The following RASSF3 variants were observed in gnomAD, a reference collection of about 807,000 sequenced individuals.
RASSF3 encodes the protein Ras association domain family member 3.
Under a neutral mutation model 19.9 loss-of-function variants are expected in RASSF3, and 19 were observed. The ratio of observed to expected loss-of-function variants is 0.96; its 90% CI spans 0.67 to 1.40. The LOEUF (loss-of-function observed/expected upper bound fraction) is 1.40. RASSF3 is among the 40% of genes most tolerant of loss of function. The probability of loss-of-function intolerance (pLI) is 0.00; values close to 1 mark genes in which losing one functional copy is unlikely to be tolerated. For missense variants in RASSF3, 306 were observed against 289.8 expected, an observed-to-expected ratio of 1.06 and a Z score of -0.41; for synonymous variants, 110 against 104.2, an observed-to-expected ratio of 1.06 and a Z score of -0.34.
intron 1 of RASSF3, among the ~76,000 whole-genome samples, chr12:64,661,256 C>T (rs1346671158): frequency 1.3e-5 from 2 of 152,180 alleles, no homozygotes; most frequent in African/African-American, 4.8e-5. Flanking sequence ...CCTGTAATCC[C>T]AGCACTTTGG....
intron 2 of RASSF3, among the ~76,000 whole-genome samples, chr12:64,573,697 C>G (rs897680795): frequency 4.6e-5 from 7 of 152,184 alleles, no homozygotes; most frequent in African/African-American, 1.7e-4. Context: ...AAGCAGCCTT[C>G]ACAACATGGC....
chr12:64,527,355 G>A (rs1225514566), intron 1 of RASSF3, among the ~76,000 whole-genome samples: 1 of 152,116 alleles, frequency 6.6e-6, no homozygotes, highest in Admixed American at 6.5e-5. Flanking sequence ...AGAAGATAAC[G>A]ACAGTACCTA....
At chr12:64,678,964 G>A (rs933752476) in intron 1 of RASSF3, among the ~76,000 whole-genome samples, 3 of 152,164 alleles carry the variant, frequency 2.0e-5, no homozygotes, top group African/African-American at 7.2e-5. Context: ...TGTGATTTTA[G>A]ACCTAAGTAT....
At chr12:64,674,969 A>T (rs1872830169) in intron 1 of RASSF3, among the ~76,000 whole-genome samples, 1 of 147,782 alleles carries the variant, frequency 6.8e-6, no homozygotes, top group South Asian at 2.2e-4. Flanking sequence ...CTAGTATAGT[A>T]CTCCAGCCTT....
chr12:64,685,774 T>C (rs577303), intron 2 of RASSF3, among the ~76,000 whole-genome samples: 117,091 of 152,108 alleles, frequency 0.77, 45,227 homozygotes, highest in South Asian at 0.84. Flanking sequence ...GGCCTGGGGA[T>C]AGGGAAACGA....
rs750393823 is a variant in RASSF3 at position 64,610,626 on chromosome 12, C to G, written c.-7C>G. On this transcript the variant is annotated 5_prime_UTR_variant, in exon 1 of 5. Transcript: ENST00000542104. ...GGAGGCCGCCCGCGCGCGACGGGAC[C>G]GGCAGCATGAGCAGCGGCTACAGCA... is the stretch of plus-strand genomic sequence containing the variant. 2 of 1,528,890 alleles carry G rather than the reference C, an allele frequency of 1.3e-6. No individual in the cohort carries two copies. The highest frequency in any genetic ancestry group is 1.8e-6 in the Non-Finnish European group (2 of 1,137,714). The allele number at this position is 1,528,890 out of a possible 1,614,324, so 94.7% of individuals were successfully genotyped here. A position where few individuals can be genotyped will look rare whatever the true frequency, so the allele number is the denominator to read the frequency against.
rs186527244 is a variant in RASSF3, at chr12:64,571,168, G to A, written c.294+29463G>A. On this transcript the variant is annotated intron_variant, in intron 2 of 5. Coordinates refer to the RASSF3 transcript ENST00000637125. ...GGAGGTTACAGAGAGCCGAGATCGC[G>A]CCATTACACTCCAACCTGGGCAACA... 2.0e-3 allele frequency among the ~76,000 whole-genome samples: 303 copies of A among 152,086 alleles called. 1 individual carries two copies. Among genetic ancestry groups the A allele is most frequent in the Non-Finnish European group, 3.4e-3 (230 of 67,990 alleles).
chr12:64,640,361 C>T lies in RASSF3; in HGVS notation c.111+29618C>T, dbSNP rs147107690. Among the ~76,000 whole-genome samples, 499 of 152,194 alleles carry T rather than the reference C, an allele frequency of 3.3e-3. 7 individuals carry two copies. The highest frequency in any genetic ancestry group is 3.2e-3 in the Non-Finnish European group (216 of 68,014). On this transcript the variant is annotated intron_variant, in intron 1 of 4. Transcript: ENST00000542104. ...CTCTCAACACAAAAGTGTACAGTAC[C>T]GTATCATTAACTATAGGCATTATGT...
chr12:64,682,310 G>A (rs1873157932), intron 1 of RASSF3, among the ~76,000 whole-genome samples: 1 of 152,124 alleles, frequency 6.6e-6, no homozygotes, highest in African/African-American at 2.4e-5. Flanking sequence ...GGTGGCTCAC[G>A]CCTGTAATCC....
intron 1 of RASSF3, among the ~76,000 whole-genome samples, chr12:64,684,380 GGCCCT>G (rs1873256824): frequency 6.6e-6 from 1 of 151,188 alleles, no homozygotes; most frequent in Non-Finnish European, 1.5e-5. Flanking sequence ...CACCGTGCCC[GGCCCT>G]TGTGTGGAAT....
At chr12:64,650,788 C>G (rs1318487689) in intron 1 of RASSF3, among the ~76,000 whole-genome samples, 1 of 152,142 alleles carries the variant, frequency 6.6e-6, no homozygotes, top group Non-Finnish European at 1.5e-5. Context: ...AATGGTTTCA[C>G]TAAAGGGAAT....
At chr12:64,652,948 G>A (rs1169104872) in intron 1 of RASSF3, among the ~76,000 whole-genome samples, 1 of 152,204 alleles carries the variant, frequency 6.6e-6, no homozygotes, top group African/African-American at 2.4e-5. Context: ...TGTTGGCAGG[G>A]TGGCTTCCTT....
rs1868936818 is a variant in RASSF3, at chr12:64,541,692, A to ATTGATTGATATTC, written c.179_180insTTGATTGATATTC (p.Lys60AsnfsTer2). ...ACTTCTGAAGTAAGATATTCAATCAAAAAGAACAGTCAGGTAGGCACTATT... is the reference window on the plus strand; with the variant it reads ...ACTTCTGAAGTAAGATATTCAATCAATTGATTGATATTCAAAGAACAGTCAGGTAGGCACTATT... On this transcript the variant is annotated stop_gained and frameshift_variant, in exon 2 of 2. Coordinates refer to the RASSF3 transcript ENST00000636333. LOFTEE classifies it high-confidence loss of function. 7.5e-6 allele frequency: 3 copies of ATTGATTGATATTC among 398,644 alleles called. No individual in the cohort carries two copies. The highest frequency in any genetic ancestry group is 6.2e-5 in the African/African-American group (3 of 48,756). The allele number at this position is 398,644 out of a possible 1,614,324, so 24.7% of individuals were successfully genotyped here. A position where few individuals can be genotyped will look rare whatever the true frequency, so the allele number is the denominator to read the frequency against.
chr12:64,620,803 G>T (rs1870728972), intron 1 of RASSF3, among the ~76,000 whole-genome samples: 1 of 151,852 alleles, frequency 6.6e-6, no homozygotes, highest in African/African-American at 2.4e-5. Flanking sequence ...GTTATATATT[G>T]CCAATTTATG....
At chr12:64,544,986 G>A (rs544087672), downstream of RASSF3, among the ~76,000 whole-genome samples, 13 of 152,334 alleles carry the variant, frequency 8.5e-5, no homozygotes, top group African/African-American at 3.1e-4. Flanking sequence ...CAGGGACACA[G>A]AAAGCTAATG....
At chr12:64,627,664 A>G (rs182618040) in intron 1 of RASSF3, among the ~76,000 whole-genome samples, 3 of 152,324 alleles carry the variant, frequency 2.0e-5, no homozygotes, top group East Asian at 3.9e-4. Flanking sequence ...AGGCACTAAA[A>G]TGAGTTTCTT....
At chr12:64,654,709 AC>A (rs56069891) in intron 1 of RASSF3, 24,565 of 148,078 alleles carry the variant, frequency 0.17, 2,718 homozygotes, top group South Asian at 0.3. Flanking sequence ...TACTAAAAAT[AC>A]AAAAATTAGC....
chr12:64,549,489 A>G (rs1226248406), intron 2 of RASSF3, among the ~76,000 whole-genome samples: 2 of 152,180 alleles, frequency 1.3e-5, no homozygotes, highest in Admixed American at 6.5e-5. Flanking sequence ...CAATTACTAG[A>G]TTCAATGACA....
chr12:64,677,508 CA>C (rs911065430), intron 1 of RASSF3, among the ~76,000 whole-genome samples: 6 of 152,160 alleles, frequency 3.9e-5, no homozygotes, highest in African/African-American at 1.4e-4. Flanking sequence ...CTCCTGGGCT[CA>C]GGTGACCCTT....
Sources: allele counts gnomAD v4.1 joint callset (sites outside exome capture counted in the v4.1 genomes callset), GRCh38; gene constraint gnomAD v4.1.1; transcripts MANE v1.5; gene names NCBI Gene and HGNC (gene_info 2026-07-23, HGNC 2026-07-21).